DDX54: variants seen among roughly 807,000 people sequenced by gnomAD.
DDX54 encodes DEAD-box helicase 54.
Under a neutral mutation model 105.5 loss-of-function variants are expected in DDX54, and 67 were observed. The observed-to-expected ratio is 0.64, with a 90% CI of 0.52 to 0.78. The LOEUF is 0.78. Ranked by LOEUF, DDX54 falls within the 30% of genes least tolerant of loss-of-function variation. The pLI, the probability that DDX54 is intolerant of heterozygous loss-of-function variation, is 0.00. For missense variants in DDX54, 1,206 were observed against 1,230.5 expected (o/e 0.98, Z 0.30); for synonymous variants, 514 against 509.9 (o/e 1.01, Z -0.11).
chr12:113,174,770 G>A lies in DDX54; in HGVS notation c.938C>T (p.Thr313Ile), dbSNP rs376194749. ...GTCCTCCCGCACGAGGAAGAAGGAGGTCTGTGGGGAGAGGGCATCACGTGT... is the reference window on the plus strand; with the variant it reads ...GTCCTCCCGCACGAGGAAGAAGGAGATCTGTGGGGAGAGGGCATCACGTGT... Reference protein sequence around the residue: ...VDTKLNEQLKTSFFLVREDTK... With the variant: ...VDTKLNEQLKISFFLVREDTK... Residue 313 changes from threonine (T) to isoleucine (I), a missense_variant and splice_region_variant, in exon 10 of 20, where the codon ACC becomes ATC. This residue lies in a region of DDX54 where 961 missense variants were observed against 1,019.1 expected (regional missense o/e 0.94). Transcript: ENST00000306014. 2 of 1,613,728 alleles carry A rather than the reference G, an allele frequency of 1.2e-6. No homozygotes were observed. Among genetic ancestry groups the A allele is most frequent in the Non-Finnish European group, 1.7e-6 (2 of 1,179,626 alleles).
rs534658567 is a variant in DDX54 at position 113,157,479 on chromosome 12, T to C, written c.*1398A>G. 6.7e-5 allele frequency: 51 copies of C among 756,040 alleles called. No homozygotes were observed. In the South Asian group the frequency reaches 8.1e-4, roughly 12 times the overall value. The allele number at this position is 756,040 out of a possible 1,614,324, so 46.8% of individuals were successfully genotyped here. On this transcript the variant is annotated 3_prime_UTR_variant, in exon 20 of 20. Transcript: ENST00000306014. ...CACCTCTGGGAACCACCATCATCAC[T>C]GTTCTTTTAATGAGGGGATCTCCAG... is the stretch of plus-strand genomic sequence containing the variant.
intron 12 of DDX54, among the ~76,000 whole-genome samples, chr12:113,167,392 G>A (rs1276115858): frequency 2.0e-5 from 3 of 151,924 alleles, no homozygotes; most frequent in Non-Finnish European, 4.4e-5. Context: ...AAAATAAAAT[G>A]AAATAAAATA....
chr12:113,161,933 C>T lies in DDX54; in HGVS notation c.2260G>A (p.Glu754Lys). 1 of 1,613,218 alleles carries T rather than the reference C, an allele frequency of 6.2e-7. No homozygotes were observed. The highest frequency in any genetic ancestry group is 8.5e-7 in the Non-Finnish European group (1 of 1,179,926). Reference sequence around the variant, plus strand: ...GAGCTGCTGATGTAGCGGCCGCTCTCTGTCTTAATCTTCTTCTTGTCTTCC... The same window carrying T: ...GAGCTGCTGATGTAGCGGCCGCTCTTTGTCTTAATCTTCTTCTTGTCTTCC... ...GQEDKKKIKT[E>K]SGRYISSSYK... is the part of the protein sequence containing the mutation. Residue 754 changes from glutamate to lysine, a missense_variant, in exon 18 of 20, where the codon GAG becomes AAG. Glu to Lys is a moderately conservative substitution (Grantham distance 56, BLOSUM62 1). Around this residue, in one of 3 missense-constraint regions of DDX54, gnomAD observed 961 missense variants for 1,019.1 expected, o/e 0.94. Coordinates refer to ENST00000306014, the MANE Select transcript of DDX54 (RefSeq NM_024072.4).
At chr12:113,175,194 C>A (rs201311329) in intron 7 of DDX54, 37 bp from the exon 8 acceptor site, 36 of 1,556,664 alleles carry the variant, frequency 2.3e-5, no homozygotes, top group Non-Finnish European at 3.0e-5. Context: ...TCAGAGGGGG[C>A]CTTCACTCCC....
intron 1 of DDX54, 47 bp downstream of exon 1, chr12:113,185,231 G>T: frequency 2.1e-6 from 3 of 1,446,216 alleles, no homozygotes; most frequent in Non-Finnish European, 2.7e-6. Flanking sequence ...GCGCTGCCCG[G>T]AGCCGGGTCT....
At chr12:113,179,580 C>T (rs1952441717) in intron 3 of DDX54, among the ~76,000 whole-genome samples, 2 of 152,208 alleles carry the variant, frequency 1.3e-5, no homozygotes, top group Non-Finnish European at 2.9e-5. Flanking sequence ...CCAGACTCTA[C>T]CTCCCGTCTA....
chr12:113,177,348 T>G (rs1952415863), intron 5 of DDX54: 3 of 451,634 alleles, frequency 6.6e-6, no homozygotes, highest in South Asian at 8.7e-5. Context: ...CTCAATTCAC[T>G]CCTTCTGTTG....
intron 1 of DDX54, among the ~76,000 whole-genome samples, chr12:113,181,342 G>C (rs1952465046): frequency 1.3e-5 from 2 of 151,784 alleles, no homozygotes; most frequent in Middle Eastern, 3.4e-3. Flanking sequence ...ACCCAGGCTG[G>C]AGTACAGCAG....
Position 113,159,108 on chromosome 12 carries a change from A to T in DDX54, c.2415T>A (p.Gly805=), listed in dbSNP as rs747210634. The change falls in exon 20 of 20, where the codon GGT becomes GGA. Residue 805 remains glycine (G), a splice_region_variant and synonymous_variant. Transcript: ENST00000306014. ...RRGGKRDRGQ[G]ASRPHAPGTP... ...TGCCTGGGGCGTGGGGCCGGGATGC[A>T]CCTGCTGGGACAGGGATTCAGGGAG... The T allele has an allele frequency of 3.8e-6, 6 of 1,590,526 alleles. No homozygotes were observed. In the South Asian group the frequency reaches 6.7e-5, roughly 18 times the overall value.
chr12:113,168,047 C>T (rs1005283009), intron 12 of DDX54: 16 of 433,830 alleles, frequency 3.7e-5, no homozygotes, highest in Admixed American at 2.2e-4. Flanking sequence ...GCGTGGCGCC[C>T]GACTGAGGCC....
At chr12:113,184,683 G>A (rs1194644714) in intron 1 of DDX54, among the ~76,000 whole-genome samples, 1 of 152,040 alleles carries the variant, frequency 6.6e-6, no homozygotes, top group Admixed American at 6.6e-5. Context: ...AAAATTATCC[G>A]GGCGTGGTGG....
chr12:113,165,503 TG>T, intron 14 of DDX54, 140 bp downstream of exon 14: 1 of 853,782 alleles, frequency 1.2e-6, no homozygotes, highest in Non-Finnish European at 1.7e-6. Flanking sequence ...AAATCCCTGC[TG>T]GGGTCCTGCT....
intron 12 of DDX54, chr12:113,167,817 C>G: frequency 2.8e-6 from 1 of 356,024 alleles, no homozygotes. Flanking sequence ...CAGCTCTCAA[C>G]CCAGGAGGCT....
In DDX54 at chr12:113,157,692, T is replaced by G. The variant is rs1952148741; in HGVS notation, c.*1185A>C. 2 of 1,550,206 alleles carry G rather than the reference T, an allele frequency of 1.3e-6. No individual in the cohort carries two copies. The highest frequency in any genetic ancestry group is 2.7e-5 in the African/African-American group (2 of 72,998). On this transcript the variant is annotated 3_prime_UTR_variant, in exon 20 of 20. Coordinates refer to ENST00000306014, the MANE Select transcript of DDX54 (RefSeq NM_024072.4). ...CCCTGCCTCCTAGCCCTGACACAGG[T>G]GAGCAGCGGGAGAGGGAACCCCTGA...
rs768342619 is a variant in DDX54, at chr12:113,172,536, C to T, written c.1096G>A (p.Ala366Thr). 21 of 1,614,152 alleles carry T rather than the reference C, an allele frequency of 1.3e-5. No individual in the cohort carries two copies. The highest frequency in any genetic ancestry group is 1.2e-4 in the African/African-American group (9 of 75,050). The part of the protein sequence containing the change: ...ELLTTQRVSC[A>T]HIYSALDPTA... ...GGGTCTAGGGCACTGTAGATGTGGG[C>T]GCAGCTCACCCGCTGGGTCGTCAGC... Residue 366 changes from alanine to threonine, a missense_variant, in exon 11 of 20, where the codon GCC becomes ACC. Coordinates refer to ENST00000306014, the MANE Select transcript of DDX54 (RefSeq NM_024072.4).
chr12:113,167,393 A>T (rs1342243374), intron 12 of DDX54, among the ~76,000 whole-genome samples: 2 of 152,202 alleles, frequency 1.3e-5, no homozygotes, highest in Admixed American at 1.3e-4. Context: ...AAATAAAATG[A>T]AATAAAATAA....
chr12:113,172,290 C>A lies in DDX54; in HGVS notation c.1279+63G>T, dbSNP rs1952349832. 5 of 1,548,258 alleles carry A rather than the reference C, an allele frequency of 3.2e-6. No individual in the cohort carries two copies. The South Asian group carries it at 5.9e-5, about 18-fold the overall frequency. On this transcript the variant is annotated intron_variant, in intron 11 of 19. Coordinates refer to ENST00000306014, the MANE Select transcript of DDX54 (RefSeq NM_024072.4). Reference sequence around the variant, plus strand: ...GCAGTGTCAAGAGTTAAGCCTTGTACCCTCGGCTTCTGCCAGGATCCGGCA... The same window carrying A: ...GCAGTGTCAAGAGTTAAGCCTTGTAACCTCGGCTTCTGCCAGGATCCGGCA...
chr12:113,169,983 A>G, intron 11 of DDX54, 79 bp from the exon 12 acceptor site: 1 of 1,563,594 alleles, frequency 6.4e-7, no homozygotes, highest in Non-Finnish European at 8.7e-7. Flanking sequence ...CCAGACCCTG[A>G]GCAGGTGAGC....
chr12:113,178,961 G>C lies in DDX54; in HGVS notation c.614+16C>G. On this transcript the variant is annotated intron_variant, in intron 5 of 19. Transcript: ENST00000306014. ...CTGCATGGTGGTGACCCTGGCATGG[G>C]GTGCAGGGACCTTACCTGTCTCCAC... The C allele has an allele frequency of 6.2e-7, 1 of 1,613,836 alleles. No individual in the cohort carries two copies. The highest frequency in any genetic ancestry group is 8.5e-7 in the Non-Finnish European group (1 of 1,179,832).
Sources: gnomAD v4.1 joint callset for allele counts (sites outside exome capture counted in the v4.1 genomes callset) on GRCh38, gnomAD v4.1.1 for gene constraint, gnomAD v4.1.1 regional missense constraint, MANE v1.5 for transcripts, NCBI Gene and HGNC (gene_info 2026-07-23, HGNC 2026-07-21) for gene names.